C10orf90: variants seen among roughly 807,000 people sequenced by gnomAD.
C10orf90 encodes the protein (E2-independent) E3 ubiquitin-conjugating enzyme FATS.
C10orf90 carries 56 observed loss-of-function variants against 62.5 expected under a neutral mutation model. The observed-to-expected ratio is 0.90, with a 90% CI of 0.72 to 1.12. The LOEUF is 1.12. C10orf90 is among the 50% of genes most tolerant of loss of function. C10orf90 has a pLI of 0.00. For synonymous variants in C10orf90, 386 were observed against 340.4 expected (o/e 1.13, Z -1.47); for missense variants, 970 against 880.4 (o/e 1.10, Z -1.29).
rs76454496 is a variant in C10orf90 at position 126,468,739 on chromosome 10, G to A, written c.1535-3753C>T. Among the ~76,000 whole-genome samples the A allele has an allele frequency of 4.9e-3, 747 of 152,218 alleles. 10 individuals carry two copies. The highest frequency in any genetic ancestry group is 0.017 in the African/African-American group (701 of 41,512). ...ATGCAGGGCAGGGACTGGGGGTGGC[G>A]GAATTTCAAGGACCTCAATGACACA... is the stretch of plus-strand genomic sequence containing the variant. On this transcript the variant is annotated intron_variant, in intron 4 of 9. Transcript: ENST00000488181.
chr10:126,514,874 T>A (rs1219884968), intron 2 of C10orf90, among the ~76,000 whole-genome samples: 1 of 151,566 alleles, frequency 6.6e-6, no homozygotes, highest in African/African-American at 2.4e-5. Flanking sequence ...AGCGTGGAAG[T>A]AGGAAGCAAG....
chr10:126,585,053 A>G (rs1388379622), intron 2 of C10orf90, among the ~76,000 whole-genome samples: 1 of 151,950 alleles, frequency 6.6e-6, no homozygotes, highest in East Asian at 1.9e-4. Flanking sequence ...ACACCTCCTC[A>G]GCAGTATGGA....
intron 2 of C10orf90, among the ~76,000 whole-genome samples, chr10:126,594,661 C>T (rs1477207205): frequency 2.6e-5 from 4 of 152,108 alleles, no homozygotes; most frequent in South Asian, 4.1e-4. Context: ...GGGAATGGTG[C>T]GTGGAGCTGG....
At chr10:126,432,708 G>A (rs566839547) in intron 7 of C10orf90, among the ~76,000 whole-genome samples, 3 of 152,332 alleles carry the variant, frequency 2.0e-5, no homozygotes, top group East Asian at 1.9e-4. Context: ...GTGCAGAGGC[G>A]AGAGCGAAGA....
At chr10:126,576,753 TAGATA>T (rs150011707) in intron 2 of C10orf90, among the ~76,000 whole-genome samples, 2,016 of 63,642 alleles carry the variant, frequency 0.032, 22 homozygotes, top group African/African-American at 0.074. Context: ...TATATACATA[TAGATA>T]ATATGTATAT....
intron 2 of C10orf90, among the ~76,000 whole-genome samples, chr10:126,603,618 C>T (rs1307663943): frequency 6.6e-6 from 1 of 152,124 alleles, no homozygotes; most frequent in Admixed American, 6.5e-5. Flanking sequence ...CCCTCTGTGC[C>T]TCAGTTTCCT....
At chr10:126,585,872 A>G (rs1320053332) in intron 2 of C10orf90, among the ~76,000 whole-genome samples, 1 of 152,138 alleles carries the variant, frequency 6.6e-6, no homozygotes, top group African/African-American at 2.4e-5. Flanking sequence ...AACTACATAG[A>G]AATGCAAATT....
At chr10:126,447,843 G>T (rs1019751552) in intron 7 of C10orf90, among the ~76,000 whole-genome samples, 4 of 46,050 alleles carry the variant, frequency 8.7e-5, no homozygotes, top group African/African-American at 5.1e-4. Context: ...TTTCGTTGTT[G>T]TTGTTGTTGC....
intron 5 of C10orf90, 139 bp from the exon 6 acceptor site, chr10:126,461,724 G>C: frequency 2.3e-6 from 2 of 882,184 alleles, no homozygotes; most frequent in Non-Finnish European, 1.7e-6. Context: ...AAGCTGACAA[G>C]ATCATGCCTC....
chr10:126,504,328 G>C lies in C10orf90; in HGVS notation c.1163C>G (p.Ser388Trp). The C allele has an allele frequency of 6.2e-7, 1 of 1,614,176 alleles. No homozygotes were observed. The highest frequency in any genetic ancestry group is 8.5e-7 in the Non-Finnish European group (1 of 1,180,046). ...GTGGGAACTACAATTGAGGTTGAGC[G>C]ACAGGACGGATCTGTGCATTTTGGG... ...ASPKMHRSVL[S>W]LNLNCSSHRL... Residue 388 changes from serine to tryptophan, a missense_variant, in exon 4 of 10, where the codon TCG (serine) becomes TGG (tryptophan). Physicochemically the swap from Ser to Trp is radical, Grantham distance 177. Coordinates refer to ENST00000488181, the MANE Select transcript of C10orf90 (RefSeq NM_001350921.2). The surrounding 1 kb of genome is among the most constrained non-coding windows in gnomAD (Gnocchi z 4.1).
intron 2 of C10orf90, among the ~76,000 whole-genome samples, chr10:126,575,465 C>A (rs560404250): frequency 6.6e-6 from 1 of 151,722 alleles, no homozygotes; most frequent in Non-Finnish European, 1.5e-5. Context: ...GCTCATGGAT[C>A]AGAAGAATTA....
At chr10:126,454,327 T>TCAGG (rs1859398091) in intron 7 of C10orf90, among the ~76,000 whole-genome samples, 1 of 151,790 alleles carries the variant, frequency 6.6e-6, no homozygotes, top group Non-Finnish European at 1.5e-5. Flanking sequence ...CCTACTGCCT[T>TCAGG]CAGGGCCTGT....
At chr10:126,570,333 T>G (rs2134002906) in intron 2 of C10orf90, among the ~76,000 whole-genome samples, 1 of 152,324 alleles carries the variant, frequency 6.6e-6, no homozygotes, top group Non-Finnish European at 1.5e-5. Context: ...CCTAACTTTC[T>G]TCCTTTAACT....
At chr10:126,434,747 C>T (rs940892653) in intron 7 of C10orf90, among the ~76,000 whole-genome samples, 55 of 152,174 alleles carry the variant, frequency 3.6e-4, no homozygotes, top group African/African-American at 1.2e-3. Flanking sequence ...CAAGGCTGTG[C>T]ATTATGCAAT....
chr10:126,539,754 G>A (rs779809940), intron 2 of C10orf90, among the ~76,000 whole-genome samples: 18 of 152,192 alleles, frequency 1.2e-4, no homozygotes, highest in South Asian at 2.1e-4. Context: ...TATTAAATAC[G>A]TTGCATGACT....
Position 126,563,255 on chromosome 10 carries a change from C to T in C10orf90, c.314-49316G>A, listed in dbSNP as rs186350228. On this transcript the variant is annotated intron_variant, in intron 2 of 9. Coordinates refer to ENST00000488181, the MANE Select transcript of C10orf90 (RefSeq NM_001350921.2). ...GGCTAAAGAGGGGCCACTCGTCCAC[C>T]GCACGCCTGCCACCCCCACCCTCAC... Among the ~76,000 whole-genome samples, 175 of 152,310 alleles carry T rather than the reference C, an allele frequency of 1.1e-3. 2 individuals are homozygous for T. Among genetic ancestry groups the T allele is most frequent in the Middle Eastern group, 3.4e-3 (1 of 294 alleles).
chr10:126,491,825 G>A (rs1354732233), intron 4 of C10orf90, among the ~76,000 whole-genome samples: 3 of 152,182 alleles, frequency 2.0e-5, no homozygotes, highest in Non-Finnish European at 4.4e-5. Context: ...CATGGTCTGT[G>A]GACAACTGGC....
At chr10:126,470,502 G>A (rs917275936) in intron 4 of C10orf90, among the ~76,000 whole-genome samples, 2 of 152,196 alleles carry the variant, frequency 1.3e-5, no homozygotes, top group African/African-American at 4.8e-5. Context: ...GGCTGAGGCT[G>A]GAGGATTGCT....
At chr10:126,550,366 G>A (rs986562140) in intron 2 of C10orf90, among the ~76,000 whole-genome samples, 2 of 152,140 alleles carry the variant, frequency 1.3e-5, no homozygotes, top group Admixed American at 1.3e-4. Context: ...GACTATAGAA[G>A]ATCAACAGGA....
Sources: gnomAD v4.1 joint callset for allele counts (sites outside exome capture counted in the v4.1 genomes callset) on GRCh38, gnomAD v4.1.1 for gene constraint, Gnocchi (gnomAD v3.1) non-coding constraint, MANE v1.5 for transcripts, NCBI Gene and HGNC (gene_info 2026-07-23, HGNC 2026-07-21) for gene names.